The following PSMA3 variants were observed in gnomAD, a reference collection of about 807,000 sequenced individuals.
The protein encoded by PSMA3 is proteasome subunit alpha type-3.
A neutral mutation model predicts 40.0 loss-of-function variants in PSMA3; 8 were observed. That is an observed-to-expected ratio of 0.20 (90% CI 0.12 to 0.36). PSMA3 has a LOEUF of 0.36. Among genes scored for constraint, PSMA3 ranks in the 10% least tolerant of loss-of-function variants. The probability of loss-of-function intolerance (pLI) is 1.00; values close to 1 mark genes in which losing one functional copy is unlikely to be tolerated. For missense variants in PSMA3, 219 were observed against 310.6 expected, an observed-to-expected ratio of 0.70 and a Z score of 2.22; for synonymous variants, 110 against 100.0, an observed-to-expected ratio of 1.10 and a Z score of -0.59.
chr14:58,263,853 C>T, intron 7 of PSMA3, 83 bp downstream of exon 7: 1 of 1,251,452 alleles, frequency 8.0e-7, no homozygotes, highest in South Asian at 1.2e-5. Flanking sequence ...CAGTCTAAGG[C>T]AGGGATGTCC....
chr14:58,245,086 GGTC>G lies in PSMA3; in HGVS notation c.21+149_21+151del, dbSNP rs139264000. ...GGCCATTTGCAGCTGTTTGGAGACC[GGTC>G]GTCTTTATCCCCTATATGCTAGGCC... On this transcript the variant is annotated intron_variant, in intron 1 of 10. Coordinates refer to ENST00000216455, the MANE Select transcript of PSMA3 (RefSeq NM_002788.4). 510 of 1,043,732 alleles carry G rather than the reference GGTC, an allele frequency of 4.9e-4. 2 individuals are homozygous for G. In the African/African-American group the frequency reaches 7.3e-3, roughly 15 times the overall value. 64.7% of individuals were successfully genotyped at this position (1,043,732 alleles called of 1,614,324 possible).
intron 8 of PSMA3, 145 bp from the exon 9 acceptor site, chr14:58,270,273 T>C (rs1594835209): frequency 8.5e-7 from 1 of 1,176,072 alleles, no homozygotes; most frequent in East Asian, 2.6e-5. Flanking sequence ...TTCTCTAATG[T>C]TAAATACTAT....
intron 5 of PSMA3, among the ~76,000 whole-genome samples, chr14:58,258,950 CT>C (rs1447293918): frequency 1.3e-5 from 2 of 151,822 alleles, no homozygotes. Context: ...TTTGTTTTTA[CT>C]TTTTGAGACA....
chr14:58,252,509 A>G (rs1354825652), intron 3 of PSMA3, among the ~76,000 whole-genome samples: 1 of 152,182 alleles, frequency 6.6e-6, no homozygotes, highest in Non-Finnish European at 1.5e-5. Flanking sequence ...TAATGAAGGT[A>G]TATGCTTGAG....
chr14:58,246,751 C>T (rs1889890567), intron 1 of PSMA3, among the ~76,000 whole-genome samples: 1 of 151,822 alleles, frequency 6.6e-6, no homozygotes, highest in African/African-American at 2.4e-5. Flanking sequence ...AAAAATATTC[C>T]CTTCTACCTC....
chr14:58,252,517 G>T (rs554450079), intron 3 of PSMA3, among the ~76,000 whole-genome samples: 2 of 152,290 alleles, frequency 1.3e-5, no homozygotes, highest in South Asian at 4.1e-4. Flanking sequence ...GTATATGCTT[G>T]AGAGGTGAAG....
intron 2 of PSMA3, among the ~76,000 whole-genome samples, chr14:58,249,028 C>T (rs539125756): frequency 6.6e-6 from 1 of 152,064 alleles, no homozygotes; most frequent in South Asian, 2.1e-4. Context: ...TGCAATGGCA[C>T]AATGTTGGCT....
chr14:58,255,440 C>T (rs1890121018), intron 3 of PSMA3, among the ~76,000 whole-genome samples: 1 of 152,196 alleles, frequency 6.6e-6, no homozygotes, highest in South Asian at 2.1e-4. Flanking sequence ...AATGTTCAAA[C>T]GGAACTACTT....
intron 5 of PSMA3, 49 bp from the exon 6 acceptor site, chr14:58,260,899 A>T: frequency 7.6e-7 from 1 of 1,313,962 alleles, no homozygotes; most frequent in Non-Finnish European, 1.1e-6. Flanking sequence ...TTTCACAAAT[A>T]CTTTTATGTT....
At chr14:58,255,185 CG>C (rs200174112) in intron 3 of PSMA3, among the ~76,000 whole-genome samples, 126 of 73,746 alleles carry the variant, frequency 1.7e-3, no homozygotes, top group Non-Finnish European at 2.7e-3. Flanking sequence ...ACTTAGTAGC[CG>C]TTTTTTTTTT....
chr14:58,251,606 T>C (rs1160889702), intron 2 of PSMA3, among the ~76,000 whole-genome samples: 1 of 152,214 alleles, frequency 6.6e-6, no homozygotes, highest in East Asian at 1.9e-4. Flanking sequence ...TAAACAGTTG[T>C]AGCAGAACAT....
chr14:58,256,893 C>G (rs1890156756), intron 3 of PSMA3, among the ~76,000 whole-genome samples: 1 of 150,834 alleles, frequency 6.6e-6, no homozygotes, highest in Non-Finnish European at 1.5e-5. Context: ...CTGAGGCAGG[C>G]TGATCACCTG....
intron 5 of PSMA3, 99 bp from the exon 6 acceptor site, chr14:58,260,849 T>C (rs1890261992): frequency 1.7e-5 from 14 of 813,030 alleles, no homozygotes; most frequent in South Asian, 1.4e-4. Context: ...ATTAGTAATT[T>C]ATCTCAGAAA....
chr14:58,261,735 G>C (rs1036119977), intron 6 of PSMA3, among the ~76,000 whole-genome samples: 8 of 151,986 alleles, frequency 5.3e-5, no homozygotes, highest in African/African-American at 1.4e-4. Context: ...AGCCTCCCAA[G>C]TAGCTGGGAC....
intron 3 of PSMA3, among the ~76,000 whole-genome samples, chr14:58,252,468 G>A (rs1458110652): frequency 3.3e-5 from 5 of 152,116 alleles, no homozygotes; most frequent in South Asian, 2.1e-4. Context: ...GGGAGTATGC[G>A]TAGAAATGAG....
At chr14:58,261,461 G>A (rs1034010936) in intron 6 of PSMA3, among the ~76,000 whole-genome samples, 22 of 152,088 alleles carry the variant, frequency 1.4e-4, no homozygotes, top group Non-Finnish European at 2.2e-4. Context: ...TTACAGGTGT[G>A]AGCCACCAGG....
intron 8 of PSMA3, 23 bp downstream of exon 8, chr14:58,267,543 A>T: frequency 6.4e-7 from 1 of 1,562,640 alleles, no homozygotes; most frequent in Non-Finnish European, 8.6e-7. Flanking sequence ...TTTTCTTACC[A>T]TCCACAAAAA....
At chr14:58,262,545 G>C (rs1263933404) in intron 6 of PSMA3, among the ~76,000 whole-genome samples, 1 of 148,768 alleles carries the variant, frequency 6.7e-6, no homozygotes, top group Non-Finnish European at 1.5e-5. Flanking sequence ...ATTTCTAAGA[G>C]CTTTCCCTAA....
At position 58,257,856 on chromosome 14, in the gene PSMA3, T is replaced by TA. The variant is rs781460687; in HGVS notation, c.330+12dup. On this transcript the variant is annotated intron_variant, in intron 4 of 10. Transcript: ENST00000216455. The stretch of plus-strand genomic sequence containing the variant: ...CAACATTCCACTAAAAGTAAGTTGA[T>TA]AACATATTGAGGAACCTTTTGGACA... 299 of 1,612,808 alleles carry TA rather than the reference T, an allele frequency of 1.9e-4. No individual in the cohort carries two copies. Among genetic ancestry groups the TA allele is most frequent in the Non-Finnish European group, 2.3e-4 (276 of 1,178,824 alleles).
Sources: allele counts gnomAD v4.1 joint callset (sites outside exome capture counted in the v4.1 genomes callset), GRCh38; gene constraint gnomAD v4.1.1; transcripts MANE v1.5; gene names NCBI Gene and HGNC (gene_info 2026-07-23, HGNC 2026-07-21).